Variants in SNED1 observed in about 807,000 individuals in gnomAD.
SNED1 encodes sushi, nidogen and EGF-like domain-containing protein 1.
In SNED1, 81 loss-of-function variants were observed where a neutral mutation model predicts 166.7. The observed-to-expected ratio is 0.49, with a 90% confidence interval of 0.41 to 0.58. The LOEUF (loss-of-function observed/expected upper bound fraction) is 0.58, where lower values mean the gene tolerates loss of function less well. Among genes scored for constraint, SNED1 ranks in the 20% least tolerant of loss-of-function variants. The pLI is 0.00. For missense variants in SNED1, 1,604 were observed against 2,000.2 expected (o/e 0.80, Z 3.78); for synonymous variants, 762 against 822.0 (o/e 0.93, Z 1.25).
At position 241,094,360 on chromosome 2, in the gene SNED1, G is replaced by A. The variant is rs575202111; in HGVS notation, c.*2724G>A. On this transcript the variant is annotated 3_prime_UTR_variant, in exon 32 of 32. Coordinates refer to ENST00000310397, the MANE Select transcript of SNED1 (RefSeq NM_001080437.3). The surrounding 1 kb of genome is among the most constrained non-coding windows in gnomAD (Gnocchi z 4.3). ...CTGACTCAACTGTGGCGATGTGGACGGAGTCACCGAGCTGCTTTTCTTTTG... is the reference window on the plus strand; with the variant it reads ...CTGACTCAACTGTGGCGATGTGGACAGAGTCACCGAGCTGCTTTTCTTTTG... 3.0e-5 allele frequency: 14 copies of A among 470,840 alleles called. No individual in the cohort carries two copies. The highest frequency in any genetic ancestry group is 7.0e-5 in the Admixed American group (3 of 42,578). 29.2% of individuals were successfully genotyped at this position (470,840 alleles called of 1,614,324 possible). A position where few individuals can be genotyped will look rare whatever the true frequency, so the allele number is the denominator to read the frequency against.
Position 241,071,613 on chromosome 2 carries a change from A to T in SNED1, c.3627A>T (p.Gly1209=), listed in dbSNP as rs1282586353. ...RDGADRRWHQ[G]GHHPRVLKNR... ...GCGCTGACAGACGCTGGCACCAGGG[A>T]GGACACCACCCTCGGGTGCTCAAGA... is the stretch of plus-strand genomic sequence containing the variant. The change falls in exon 25 of 32, where the codon GGA becomes GGT. Residue 1209 remains glycine, a synonymous_variant. Transcript: ENST00000310397. 1.3e-6 allele frequency: 2 copies of T among 1,587,954 alleles called. No individual in the cohort carries two copies. Among genetic ancestry groups the T allele is most frequent in the Admixed American group, 3.4e-5 (2 of 58,378 alleles).
intron 8 of SNED1, 47 bp from the exon 9 acceptor site, chr2:241,048,268 C>A: frequency 1.3e-6 from 2 of 1,545,808 alleles, no homozygotes; most frequent in Non-Finnish European, 1.7e-6. Context: ...AGACCACTCT[C>A]CCCACATTCC....
At chr2:241,054,326 C>T (rs925343151) in intron 16 of SNED1, among the ~76,000 whole-genome samples, 2 of 152,174 alleles carry the variant, frequency 1.3e-5, no homozygotes, top group Non-Finnish European at 2.9e-5. Context: ...TATGTATGAT[C>T]GGAAGCAGAA....
At chr2:241,014,477 G>A (rs952558088) in intron 1 of SNED1, among the ~76,000 whole-genome samples, 4 of 152,308 alleles carry the variant, frequency 2.6e-5, no homozygotes, top group Middle Eastern at 3.4e-3. Flanking sequence ...GCAGCTACAT[G>A]GTGGGAGGTC....
intron 1 of SNED1, among the ~76,000 whole-genome samples, chr2:241,020,291 T>C (rs944633666): frequency 2.6e-5 from 4 of 152,242 alleles, no homozygotes; most frequent in African/African-American, 9.6e-5. Context: ...GGTGGCAGCT[T>C]CCAGCCCAGC....
In SNED1 at chr2:241,091,410, G is replaced by T. The variant is rs2063978481; in HGVS notation, c.*2-228G>T. Reference sequence around the variant, plus strand: ...GATGGGGATGTAGTCGGTGGAGGCTGCCCCTCCCCGTGTGCACTGCCATAT... The same window carrying T: ...GATGGGGATGTAGTCGGTGGAGGCTTCCCCTCCCCGTGTGCACTGCCATAT... On this transcript the variant is annotated intron_variant, in intron 31 of 31. Transcript: ENST00000310397. The surrounding 1 kb of genome is among the most constrained non-coding windows in gnomAD (Gnocchi z 4.1). Among the ~76,000 whole-genome samples the T allele has an allele frequency of 6.6e-6, 1 of 152,242 alleles. No homozygotes were observed. The highest frequency in any genetic ancestry group is 1.5e-5 in the Non-Finnish European group (1 of 68,038).
intron 8 of SNED1, among the ~76,000 whole-genome samples, 164 bp downstream of exon 8, chr2:241,040,577 C>T (rs1025810817): frequency 2.0e-5 from 3 of 152,176 alleles, no homozygotes; most frequent in African/African-American, 7.2e-5. Context: ...CAGCGCTTCC[C>T]GCTCAGCCTG....
intron 31 of SNED1, among the ~76,000 whole-genome samples, chr2:241,090,836 C>T (rs921441540): frequency 6.8e-6 from 1 of 148,032 alleles, no homozygotes; most frequent in Non-Finnish European, 1.5e-5. Flanking sequence ...CACTATACTA[C>T]AGCTTAGGCA....
At chr2:241,076,744 C>G (rs777110453) in intron 27 of SNED1, among the ~76,000 whole-genome samples, 4 of 151,612 alleles carry the variant, frequency 2.6e-5, no homozygotes, top group Admixed American at 6.6e-5. Context: ...TGGAAAAGAA[C>G]TGAGAGTCCA....
chr2:241,048,598 C>T (rs1158633879), intron 9 of SNED1, 64 bp from the exon 10 acceptor site: 2 of 1,521,312 alleles, frequency 1.3e-6, no homozygotes, highest in African/African-American at 2.7e-5. Flanking sequence ...AGGGCAGGGT[C>T]TGGAGCGAGG....
intron 1 of SNED1, among the ~76,000 whole-genome samples, chr2:241,017,150 C>T (rs954501524): frequency 6.7e-4 from 102 of 152,282 alleles, no homozygotes; most frequent in African/African-American, 2.5e-3. Flanking sequence ...CACACCCAGC[C>T]AAGTTGCATT....
intron 27 of SNED1, among the ~76,000 whole-genome samples, chr2:241,078,391 A>T (rs2063148756): frequency 1.3e-5 from 2 of 151,424 alleles, no homozygotes; most frequent in African/African-American, 4.9e-5. Context: ...TCAAAAAAAA[A>T]AAAAAAAGAA....
At chr2:241,042,658 C>A (rs966488145) in intron 8 of SNED1, among the ~76,000 whole-genome samples, 4 of 151,876 alleles carry the variant, frequency 2.6e-5, no homozygotes, top group African/African-American at 7.3e-5. Flanking sequence ...GGGAAAAAAA[C>A]CTAATGAGAA....
intron 17 of SNED1, chr2:241,063,370 G>A: frequency 1.7e-6 from 1 of 589,014 alleles, no homozygotes. Context: ...GGAAGGCATG[G>A]CCTGGAGGTG....
At chr2:241,048,095 C>G (rs1318516187) in intron 8 of SNED1, among the ~76,000 whole-genome samples, 1 of 152,136 alleles carries the variant, frequency 6.6e-6, no homozygotes, top group Non-Finnish European at 1.5e-5. Context: ...GGTGGTTTCT[C>G]TGGTGCTTCT....
intron 31 of SNED1, among the ~76,000 whole-genome samples, chr2:241,089,600 G>A (rs1427341742): frequency 6.6e-6 from 1 of 152,174 alleles, no homozygotes; most frequent in Non-Finnish European, 1.5e-5. Context: ...AGAGTAGCCG[G>A]CAGCATTCAC....
intron 1 of SNED1, among the ~76,000 whole-genome samples, chr2:241,025,838 G>A (rs538904465): frequency 6.6e-6 from 1 of 151,940 alleles, no homozygotes; most frequent in East Asian, 1.9e-4. Flanking sequence ...TCAGCTGTCA[G>A]TCTACTTGCA....
intron 31 of SNED1, chr2:241,089,294 T>G: frequency 6.5e-7 from 1 of 1,549,388 alleles, no homozygotes; most frequent in Admixed American, 2.0e-5. Flanking sequence ...TTCATCTTCC[T>G]GGTGGCGCAG....
intron 6 of SNED1, among the ~76,000 whole-genome samples, chr2:241,039,268 G>A (rs1452967072): frequency 2.0e-5 from 3 of 152,110 alleles, no homozygotes; most frequent in African/African-American, 7.2e-5. Context: ...GCCACCAAAG[G>A]GCTTTCACAC....
Sources: gnomAD v4.1 joint callset for allele counts (sites outside exome capture counted in the v4.1 genomes callset) on GRCh38, gnomAD v4.1.1 for gene constraint, Gnocchi (gnomAD v3.1) non-coding constraint, MANE v1.5 for transcripts, NCBI Gene and HGNC (gene_info 2026-07-23, HGNC 2026-07-21) for gene names.